The following LYL1 variants were observed in gnomAD, a reference collection of about 807,000 sequenced individuals.
LYL1 encodes the protein LYL1 basic helix-loop-helix family member.
Under a neutral mutation model 11.1 loss-of-function variants are expected in LYL1, and 4 were observed. The ratio of observed to expected loss-of-function variants is 0.36; its 90% CI spans 0.18 to 0.82. The LOEUF (loss-of-function observed/expected upper bound fraction) is 0.82. Among genes scored for constraint, LYL1 ranks in the 40% least tolerant of loss-of-function variants. The pLI, the probability that LYL1 is intolerant of heterozygous loss-of-function variation, is 0.49. For missense variants in LYL1, 356 were observed against 397.6 expected (o/e 0.90, Z 0.89); for synonymous variants, 179 against 174.8 (o/e 1.02, Z -0.19).
chr19:13,099,400 CG>C lies in LYL1; in HGVS notation c.761del (p.Pro254ArgfsTer22). 1 of 1,244,298 alleles carries C rather than the reference CG, an allele frequency of 8.0e-7. No individual in the cohort carries two copies. The allele number at this position is 1,244,298 out of a possible 1,614,324, so 77.1% of individuals were successfully genotyped here. A position where few individuals can be genotyped will look rare whatever the true frequency, so the allele number is the denominator to read the frequency against. ...CACCGGGGCTGCCGTCGGGGTCGGCCGGGGGCGCGGGCTGCGAGCGCGCTGC... is the reference window on the plus strand; with the variant it reads ...CACCGGGGCTGCCGTCGGGGTCGGCCGGGGCGCGGGCTGCGAGCGCGCTGC... ...EAAARSQPAP[P>X]ADPDGSPGGA... On this transcript the variant is annotated frameshift_variant, in exon 4 of 4. Coordinates refer to ENST00000264824, the MANE Select transcript of LYL1 (RefSeq NM_005583.5). LOFTEE classifies it low-confidence loss of function (END_TRUNC). This position sits in a 1 kb window ranked among gnomAD's most constrained non-coding sequence, Gnocchi z 5.3.
At position 13,099,715 on chromosome 19, in the gene LYL1, C is replaced by A; in HGVS notation, c.447G>T (p.Val149=). The A allele has an allele frequency of 6.5e-7, 1 of 1,534,390 alleles. No homozygotes were observed. The highest frequency in any genetic ancestry group is 2.5e-5 in the East Asian group (1 of 39,856). The change falls in exon 4 of 4, where the codon GTG becomes GTT. Residue 149 remains valine, a synonymous_variant. Transcript: ENST00000264824. This position sits in a 1 kb window ranked among gnomAD's most constrained non-coding sequence, Gnocchi z 5.3. Reference sequence around the variant, plus strand: ...GGCTGTTGGTGAACACGCGCCGGGCCACCTTCTGGGGCTGGTGCCCTGTGG... The same window carrying A: ...GGCTGTTGGTGAACACGCGCCGGGCAACCTTCTGGGGCTGGTGCCCTGTGG... The part of the protein sequence containing the change: ...DLAEGHQPQK[V]ARRVFTNSRE...
In LYL1 at chr19:13,101,789, A is replaced by AC. The variant is rs767947877; in HGVS notation, c.-24-595dup. The AC allele has an allele frequency of 9.4e-6, 2 of 212,242 alleles. No homozygotes were observed. The highest frequency in any genetic ancestry group is 4.6e-5 in the African/African-American group (2 of 43,366). 13.1% of individuals were successfully genotyped at this position (212,242 alleles called of 1,614,324 possible). On this transcript the variant is annotated intron_variant, in intron 1 of 3. Coordinates refer to ENST00000264824, the MANE Select transcript of LYL1 (RefSeq NM_005583.5). This position sits in a 1 kb window ranked among gnomAD's most constrained non-coding sequence, Gnocchi z 5.1. ...AAAGTGCTCCATAATTGCTTGAGTG[A>AC]CCCCCACTCCCACTGCAAACATCCC...
At position 13,099,928 on chromosome 19, in the gene LYL1, G is replaced by A. The variant is rs915267817; in HGVS notation, c.428-194C>T. On this transcript the variant is annotated intron_variant, in intron 3 of 3. Coordinates refer to ENST00000264824, the MANE Select transcript of LYL1 (RefSeq NM_005583.5). This position sits in a 1 kb window ranked among gnomAD's most constrained non-coding sequence, Gnocchi z 5.3. The stretch of plus-strand genomic sequence containing the variant: ...CCAGACAAGAATCATCACAGGCCCG[G>A]CCTACGGACAAGGGCCTGCTGTATC... Among the ~76,000 whole-genome samples the A allele has an allele frequency of 1.2e-4, 18 of 152,240 alleles. No individual in the cohort carries two copies. Among genetic ancestry groups the A allele is most frequent in the Non-Finnish European group, 1.9e-4 (13 of 68,028 alleles).
chr19:13,101,506 A>G lies in LYL1; in HGVS notation c.-24-311T>C, dbSNP rs1177273674. ...ATATTCCTTCTTCCAGAATTCCCTC[A>G]CCTCTGCAGCCTGGAGAGGGAACAA... On this transcript the variant is annotated intron_variant, in intron 1 of 3. Transcript: ENST00000264824. This position sits in a 1 kb window ranked among gnomAD's most constrained non-coding sequence, Gnocchi z 5.1. 6.6e-6 allele frequency: 2 copies of G among 301,942 alleles called. No homozygotes were observed. The highest frequency in any genetic ancestry group is 1.5e-4 in the South Asian group (1 of 6,758). 18.7% of individuals were successfully genotyped at this position (301,942 alleles called of 1,614,324 possible). A position where few individuals can be genotyped will look rare whatever the true frequency, so the allele number is the denominator to read the frequency against.
Position 13,100,859 on chromosome 19 carries a change from G to A in LYL1, c.313C>T (p.His105Tyr), listed in dbSNP as rs1419717916. 1 of 1,573,446 alleles carries A rather than the reference G, an allele frequency of 6.4e-7. No individual in the cohort carries two copies. Among genetic ancestry groups the A allele is most frequent in the African/African-American group, 1.3e-5 (1 of 74,158 alleles). Reference protein sequence around the residue: ...TAPPTLALHYHPHPFLNSVYI... With the variant: ...TAPPTLALHYYPHPFLNSVYI... ...GACCTGTTGAGGAAGGGGTGAGGGT[G>A]GTAGTGCAGGGCCAAAGTGGGCGGG... The change falls in exon 2 of 4, where the codon CAC (histidine) becomes TAC (tyrosine). Residue 105 changes from histidine to tyrosine, a missense_variant. Physicochemically the swap from His to Tyr is moderately conservative, Grantham distance 83 (BLOSUM62 2). Coordinates refer to ENST00000264824, the MANE Select transcript of LYL1 (RefSeq NM_005583.5).
Position 13,101,472 on chromosome 19 carries a change from T to A in LYL1, c.-24-277A>T, listed in dbSNP as rs2145563998. 2.8e-6 allele frequency: 1 copy of A among 360,392 alleles called. No individual in the cohort carries two copies. The highest frequency in any genetic ancestry group is 4.7e-5 in the Admixed American group (1 of 21,420). The allele number at this position is 360,392 out of a possible 1,614,324, so 22.3% of individuals were successfully genotyped here. A position where few individuals can be genotyped will look rare whatever the true frequency, so the allele number is the denominator to read the frequency against. ...CCAGGAGGGGCGCTGTTGCCCAGCC[T>A]CTGAGCAAATATTCCTTCTTCCAGA... is the stretch of plus-strand genomic sequence containing the variant. On this transcript the variant is annotated intron_variant, in intron 1 of 3. Transcript: ENST00000264824. This position sits in a 1 kb window ranked among gnomAD's most constrained non-coding sequence, Gnocchi z 5.1.
chr19:13,099,189 T>C lies in LYL1; in HGVS notation c.*130A>G. 1.2e-6 allele frequency: 1 copy of C among 862,874 alleles called. No individual in the cohort carries two copies. The allele number at this position is 862,874 out of a possible 1,614,324, so 53.5% of individuals were successfully genotyped here. ...TTCCGGACCCCCGAGACCTTGCCCC[T>C]GACGTCTTCACTGGTCCTTCTTCGG... is the stretch of plus-strand genomic sequence containing the variant. On this transcript the variant is annotated 3_prime_UTR_variant, in exon 4 of 4. Transcript: ENST00000264824. This position sits in a 1 kb window ranked among gnomAD's most constrained non-coding sequence, Gnocchi z 5.3.
chr19:13,100,998 A>G lies in LYL1; in HGVS notation c.174T>C (p.Pro58=), dbSNP rs2018679374. ...RGGSSPPRLP[P]GVPVISLGHS... is the part of the protein sequence containing the mutation. ...GGCCCAGGCTGATCACTGGTACACCAGGTGGCAGCCTGGGGGGCGAGGAGC... is the reference window on the plus strand; with the variant it reads ...GGCCCAGGCTGATCACTGGTACACCGGGTGGCAGCCTGGGGGGCGAGGAGC... Residue 58 remains proline (P), a synonymous_variant, in exon 2 of 4, where the codon CCT becomes CCC. Transcript: ENST00000264824. The G allele has an allele frequency of 6.8e-7, 1 of 1,476,316 alleles. No homozygotes were observed. Among genetic ancestry groups the G allele is most frequent in the East Asian group, 2.4e-5 (1 of 41,676 alleles). The allele number at this position is 1,476,316 out of a possible 1,614,324, so 91.5% of individuals were successfully genotyped here. A position where few individuals can be genotyped will look rare whatever the true frequency, so the allele number is the denominator to read the frequency against.
In LYL1 at chr19:13,100,976, C is replaced by G. The variant is rs868638075; in HGVS notation, c.196G>C (p.Gly66Arg). The G allele has an allele frequency of 4.0e-6, 6 of 1,489,550 alleles. No individual in the cohort carries two copies. The highest frequency in any genetic ancestry group is 5.4e-6 in the Non-Finnish European group (6 of 1,119,334). The allele number at this position is 1,489,550 out of a possible 1,614,324, so 92.3% of individuals were successfully genotyped here. Residue 66 changes from glycine (G) to arginine (R), a missense_variant, in exon 2 of 4, where the codon GGC becomes CGC. Gly to Arg is a moderately radical substitution (Grantham distance 125). Transcript: ENST00000264824. ...GCTACCCCTGGGGGCCTGCTGTGGC[C>G]CAGGCTGATCACTGGTACACCAGGT... ...LPPGVPVISLGHSRPPGVAMP... is the reference protein window; with the variant it reads ...LPPGVPVISLRHSRPPGVAMP...
Position 13,101,161 on chromosome 19 carries a change from G to T in LYL1, c.11C>A (p.Pro4His). 6.9e-7 allele frequency: 1 copy of T among 1,453,164 alleles called. No homozygotes were observed. Among genetic ancestry groups the T allele is most frequent in the Non-Finnish European group, 9.0e-7 (1 of 1,106,106 alleles). The allele number at this position is 1,453,164 out of a possible 1,614,324, so 90.0% of individuals were successfully genotyped here. A position where few individuals can be genotyped will look rare whatever the true frequency, so the allele number is the denominator to read the frequency against. ...GGGGCCCACCTCTGCCTGTGCCTGA[G>T]GCGGGCACATGGACCCCGACGTGGG... Reference protein sequence around the residue: MCPPQAQAEVGPTM... With the variant: MCPHQAQAEVGPTM... The change falls in exon 2 of 4, where the codon CCT becomes CAT. Residue 4 changes from proline (P) to histidine (H), a missense_variant. Physicochemically the swap from Pro to His is moderately conservative, Grantham distance 77 (BLOSUM62 -2). Coordinates refer to ENST00000264824, the MANE Select transcript of LYL1 (RefSeq NM_005583.5). This position sits in a 1 kb window ranked among gnomAD's most constrained non-coding sequence, Gnocchi z 5.1.
Position 13,100,867 on chromosome 19 carries a change from A to T in LYL1, c.305T>A (p.Leu102Gln), listed in dbSNP as rs867035781. The change falls in exon 2 of 4, where the codon CTG becomes CAG. Residue 102 changes from leucine to glutamine, a missense_variant. Coordinates refer to ENST00000264824, the MANE Select transcript of LYL1 (RefSeq NM_005583.5). ...TLGTAPPTLA[L>Q]HYHPHPFLNS... ...GAGGAAGGGGTGAGGGTGGTAGTGC[A>T]GGGCCAAAGTGGGCGGGGCAGTTCC... is the stretch of plus-strand genomic sequence containing the variant. 6.4e-7 allele frequency: 1 copy of T among 1,571,870 alleles called. No individual in the cohort carries two copies. Among genetic ancestry groups the T allele is most frequent in the African/African-American group, 1.4e-5 (1 of 73,986 alleles).
rs1161245012 is a variant in LYL1 at position 13,100,881 on chromosome 19, C to T, written c.291G>A (p.Pro97=). The T allele has an allele frequency of 1.3e-5, 20 of 1,565,904 alleles. No individual in the cohort carries two copies. The highest frequency in any genetic ancestry group is 5.4e-5 in the African/African-American group (4 of 73,780). Residue 97 remains proline (P), a synonymous_variant, in exon 2 of 4, where the codon CCG becomes CCA. Coordinates refer to ENST00000264824, the MANE Select transcript of LYL1 (RefSeq NM_005583.5). ...GGTGGTAGTGCAGGGCCAAAGTGGGCGGGGCAGTTCCCAGGGTGGAGAGTT... is the reference window on the plus strand; with the variant it reads ...GGTGGTAGTGCAGGGCCAAAGTGGGTGGGGCAGTTCCCAGGGTGGAGAGTT... ...LLQLSTLGTA[P]PTLALHYHPH... is the part of the protein sequence containing the mutation.
At position 13,101,064 on chromosome 19, in the gene LYL1, C is replaced by A. The variant is rs201786409; in HGVS notation, c.108G>T (p.Ser36=). 39 of 1,490,168 alleles carry A rather than the reference C, an allele frequency of 2.6e-5. No individual in the cohort carries two copies. The highest frequency in any genetic ancestry group is 2.3e-5 in the East Asian group (1 of 42,674). The allele number at this position is 1,490,168 out of a possible 1,614,324, so 92.3% of individuals were successfully genotyped here. Residue 36 remains serine (S), a synonymous_variant, in exon 2 of 4, where the codon TCG becomes TCT. Transcript: ENST00000264824. This position sits in a 1 kb window ranked among gnomAD's most constrained non-coding sequence, Gnocchi z 5.1. ...CCTCCTCCACCTGCGGGGGCCCAGG[C>A]GAGGCAGGCTTAGGGGGTGGGGCAG... ...PAPAPPPKPA[S]PGPPQVEEVG...
At position 13,099,391 on chromosome 19, in the gene LYL1, G is replaced by A; in HGVS notation, c.771C>T (p.Pro257=). 12 of 1,248,274 alleles carry A rather than the reference G, an allele frequency of 9.6e-6. No homozygotes were observed. Among genetic ancestry groups the A allele is most frequent in the Non-Finnish European group, 1.2e-5 (12 of 992,822 alleles). 77.3% of individuals were successfully genotyped at this position (1,248,274 alleles called of 1,614,324 possible). A position where few individuals can be genotyped will look rare whatever the true frequency, so the allele number is the denominator to read the frequency against. ...ARSQPAPPAD[P]DGSPGGAARP... is the part of the protein sequence containing the mutation. ...GGGCCGCTCCACCGGGGCTGCCGTC[G>A]GGGTCGGCCGGGGGCGCGGGCTGCG... Residue 257 remains proline, a synonymous_variant, in exon 4 of 4, where the codon CCC becomes CCT. Transcript: ENST00000264824. The surrounding 1 kb of genome is among the most constrained non-coding windows in gnomAD (Gnocchi z 5.3).
Position 13,101,373 on chromosome 19 carries a change from A to AG in LYL1, c.-24-179dup, listed in dbSNP as rs1342919662. Reference sequence around the variant, plus strand: ...GGCCCAGAAACTTCCAGGACACGGGAGGGGGGTCCTACGTTAGAGTAGGAG... The same window carrying AG: ...GGCCCAGAAACTTCCAGGACACGGGAGGGGGGGTCCTACGTTAGAGTAGGAG... On this transcript the variant is annotated intron_variant, in intron 1 of 3. Transcript: ENST00000264824. The surrounding 1 kb of genome is among the most constrained non-coding windows in gnomAD (Gnocchi z 5.1). 8 of 408,732 alleles carry AG rather than the reference A, an allele frequency of 2.0e-5. No homozygotes were observed. Among genetic ancestry groups the AG allele is most frequent in the East Asian group, 1.9e-4 (5 of 26,878 alleles). 25.3% of individuals were successfully genotyped at this position (408,732 alleles called of 1,614,324 possible). A position where few individuals can be genotyped will look rare whatever the true frequency, so the allele number is the denominator to read the frequency against.
Position 13,099,309 on chromosome 19 carries a change from C to G in LYL1, c.*10G>C. The G allele has an allele frequency of 7.9e-7, 1 of 1,268,662 alleles. No homozygotes were observed. Among genetic ancestry groups the G allele is most frequent in the Non-Finnish European group, 9.9e-7 (1 of 1,006,460 alleles). The allele number at this position is 1,268,662 out of a possible 1,614,324, so 78.6% of individuals were successfully genotyped here. ...GGTGCCCTCCGGCTCAGAGGTGCTG[C>G]CGCGTGCGGTCACCGCACCTCTGGG... On this transcript the variant is annotated 3_prime_UTR_variant, in exon 4 of 4. Transcript: ENST00000264824. This position sits in a 1 kb window ranked among gnomAD's most constrained non-coding sequence, Gnocchi z 5.3.
intron 3 of LYL1, among the ~76,000 whole-genome samples, chr19:13,100,023 T>C (rs1167525362): frequency 2.6e-5 from 4 of 152,148 alleles, no homozygotes; most frequent in African/African-American, 9.7e-5. Context: ...GTTTGTTTGG[T>C]CTGGGAAGCT....
intron 3 of LYL1, among the ~76,000 whole-genome samples, chr19:13,100,169 G>A (rs2018660950): frequency 6.6e-6 from 1 of 152,194 alleles, no homozygotes; most frequent in Admixed American, 6.5e-5. Context: ...TATGTCTCAT[G>A]GCTGTGGTTA....
Position 13,099,293 on chromosome 19 carries a change from C to A in LYL1, c.*26G>T. 1 of 1,258,188 alleles carries A rather than the reference C, an allele frequency of 7.9e-7. No homozygotes were observed. Among genetic ancestry groups the A allele is most frequent in the Non-Finnish European group, 1.0e-6 (1 of 1,001,104 alleles). The allele number at this position is 1,258,188 out of a possible 1,614,324, so 77.9% of individuals were successfully genotyped here. ...CCTGGGCCGAGTCCCTGGTGCCCTC[C>A]GGCTCAGAGGTGCTGCCGCGTGCGG... is the stretch of plus-strand genomic sequence containing the variant. On this transcript the variant is annotated 3_prime_UTR_variant, in exon 4 of 4. Transcript: ENST00000264824. This position sits in a 1 kb window ranked among gnomAD's most constrained non-coding sequence, Gnocchi z 5.3.
Sources: gnomAD v4.1 joint callset for allele counts (sites outside exome capture counted in the v4.1 genomes callset) on GRCh38, gnomAD v4.1.1 for gene constraint, Gnocchi (gnomAD v3.1) non-coding constraint, MANE v1.5 for transcripts, NCBI Gene and HGNC (gene_info 2026-07-23, HGNC 2026-07-21) for gene names.